DYNC2I1: variants seen among roughly 807,000 people sequenced by gnomAD.
DYNC2I1 encodes the protein dynein 2 intermediate chain 1.
DYNC2I1 carries 89 observed loss-of-function variants against 133.4 expected under a neutral mutation model. That is an observed-to-expected ratio of 0.67 (90% CI 0.56 to 0.80). The LOEUF (loss-of-function observed/expected upper bound fraction) is 0.80. DYNC2I1 is among the 30% of genes least tolerant of loss of function. DYNC2I1 has a pLI of 0.00. For missense variants in DYNC2I1, 1,291 were observed against 1,314.5 expected (o/e 0.98, Z 0.28); for synonymous variants, 504 against 484.3 (o/e 1.04, Z -0.54).
intron 3 of DYNC2I1, among the ~76,000 whole-genome samples, chr7:158,874,501 C>G (rs190299872): frequency 1.3e-5 from 2 of 151,940 alleles, no homozygotes; most frequent in African/African-American, 4.8e-5. Flanking sequence ...TTTTTGGCTG[C>G]CTGCTCATTT....
chr7:158,903,733 A>G (rs1347444346), intron 10 of DYNC2I1: 2 of 152,254 alleles, frequency 1.3e-5, no homozygotes, highest in African/African-American at 4.8e-5. Flanking sequence ...TGCCACCAGC[A>G]CACAGGATTT....
chr7:158,884,003 C>T (rs1237838878), intron 5 of DYNC2I1, among the ~76,000 whole-genome samples: 4 of 149,376 alleles, frequency 2.7e-5, no homozygotes, highest in Admixed American at 6.7e-5. Flanking sequence ...GGCCTCATCT[C>T]GTTGTTATCC....
At chr7:158,844,355 C>T in the DYNC2I1 span, among the ~76,000 whole-genome samples, 1 of 152,024 alleles carries the variant, frequency 6.6e-6, no homozygotes, top group African/African-American at 2.4e-5. Flanking sequence ...TTGGGAAAAA[C>T]GTGGGTCATC....
intron 1 of DYNC2I1, chr7:158,869,412 A>G (rs1313261158): frequency 6.4e-6 from 3 of 470,050 alleles, no homozygotes; most frequent in South Asian, 4.7e-5. Flanking sequence ...TGGGAGGCCC[A>G]TGATACCTTC....
chr7:158,953,696 A>G (rs1413135534), intron 4 of DYNC2I1, among the ~76,000 whole-genome samples: 1 of 152,142 alleles, frequency 6.6e-6, no homozygotes, highest in Non-Finnish European at 1.5e-5. Flanking sequence ...GCTGCAGAAA[A>G]GTAGCTTACA....
chr7:158,902,131 G>A (rs1374028468), intron 9 of DYNC2I1, among the ~76,000 whole-genome samples: 1 of 152,204 alleles, frequency 6.6e-6, no homozygotes, highest in Non-Finnish European at 1.5e-5. Context: ...TGCACGTGAT[G>A]ATAGTTGATA....
intron 4 of DYNC2I1, among the ~76,000 whole-genome samples, chr7:158,952,888 C>T (rs879483782): frequency 1.1e-4 from 17 of 152,204 alleles, no homozygotes; most frequent in Non-Finnish European, 1.9e-4. Flanking sequence ...TCCCAGGGTG[C>T]GCCCCCTTGA....
chr7:158,861,807 C>T (rs571772697), intron 1 of DYNC2I1, among the ~76,000 whole-genome samples: 13 of 152,302 alleles, frequency 8.5e-5, no homozygotes, highest in Non-Finnish European at 1.8e-4. Context: ...ACCTTGGATT[C>T]AGTGATGGAA....
chr7:158,842,190 G>A, the DYNC2I1 span, among the ~76,000 whole-genome samples: 12 of 152,198 alleles, frequency 7.9e-5, 1 homozygote, highest in Admixed American at 4.6e-4. Flanking sequence ...CACCATGCCC[G>A]GCTAATTTTT....
chr7:158,892,796 C>T (rs188462547), intron 8 of DYNC2I1, among the ~76,000 whole-genome samples: 50 of 152,112 alleles, frequency 3.3e-4, no homozygotes, highest in African/African-American at 1.2e-3. Flanking sequence ...CAAAAATTAG[C>T]TGGGTGTGGT....
downstream of DYNC2I1, among the ~76,000 whole-genome samples, chr7:158,949,428 A>C (rs951177411): frequency 4.6e-5 from 7 of 152,206 alleles, no homozygotes; most frequent in African/African-American, 7.2e-5. Context: ...CACTCCAGGG[A>C]GTAGACAAGA....
At chr7:158,852,973 A>G (rs751797059), upstream of DYNC2I1, among the ~76,000 whole-genome samples, 1 of 152,238 alleles carries the variant, frequency 6.6e-6, no homozygotes, top group Non-Finnish European at 1.5e-5. Context: ...CTTTTTACTT[A>G]AATTTTTAAG....
intron 23 of DYNC2I1, among the ~76,000 whole-genome samples, chr7:158,938,554 C>T (rs987650088): frequency 4.6e-5 from 7 of 152,046 alleles, no homozygotes; most frequent in Admixed American, 1.3e-4. Flanking sequence ...GTCAGGAGTT[C>T]GAGACCAGCC....
At chr7:158,855,116 G>C (rs770364455), upstream of DYNC2I1, among the ~76,000 whole-genome samples, 1 of 152,244 alleles carries the variant, frequency 6.6e-6, no homozygotes, top group Non-Finnish European at 1.5e-5. Context: ...TTGCAATAGA[G>C]AAAGAGTAAT....
At chr7:158,910,265 C>T (rs1316378540) in intron 11 of DYNC2I1, among the ~76,000 whole-genome samples, 2 of 152,214 alleles carry the variant, frequency 1.3e-5, no homozygotes, top group Non-Finnish European at 2.9e-5. Flanking sequence ...GTTTCGGGGC[C>T]TGTGGGCAGA....
intron 1 of DYNC2I1, among the ~76,000 whole-genome samples, chr7:158,858,822 T>G: frequency 1.6e-5 from 1 of 62,930 alleles, no homozygotes; most frequent in East Asian, 6.1e-4. Context: ...CACTTTCCTC[T>G]CCCCTCCCCC....
chr7:158,925,986 A>C (rs182910244), intron 17 of DYNC2I1, among the ~76,000 whole-genome samples: 2 of 152,158 alleles, frequency 1.3e-5, no homozygotes, highest in Admixed American at 1.3e-4. Context: ...TGTCCTAGGA[A>C]TCTGAAAGTC....
intron 4 of DYNC2I1, among the ~76,000 whole-genome samples, chr7:158,954,521 G>GC (rs1852149581): frequency 6.6e-6 from 1 of 152,138 alleles, no homozygotes; most frequent in African/African-American, 2.4e-5. Flanking sequence ...GGAGGTGTGT[G>GC]CCTGTGGTCC....
chr7:158,879,284 A>T (rs140701009), intron 4 of DYNC2I1, among the ~76,000 whole-genome samples: 244 of 152,086 alleles, frequency 1.6e-3, no homozygotes, highest in African/African-American at 5.7e-3. Flanking sequence ...TCCTCCTTTT[A>T]TTGTAACATT....
Sources: allele counts gnomAD v4.1 joint callset (sites outside exome capture counted in the v4.1 genomes callset), GRCh38; gene constraint gnomAD v4.1.1; transcripts MANE v1.5; gene names NCBI Gene and HGNC (gene_info 2026-07-23, HGNC 2026-07-21).